Variants in DOCK4 observed in about 807,000 individuals in gnomAD.
The protein encoded by DOCK4 is dedicator of cytokinesis protein 4.
A neutral mutation model predicts 268.1 loss-of-function variants in DOCK4; 97 were observed. The observed-to-expected ratio is 0.36, with a 90% CI of 0.31 to 0.43. The LOEUF is 0.43. Among genes scored for constraint, DOCK4 ranks in the 20% least tolerant of loss-of-function variants. DOCK4 has a pLI of 1.00. For missense variants in DOCK4, 2,145 were observed against 2,455.7 expected, an observed-to-expected ratio of 0.87 and a Z score of 2.67; for synonymous variants, 954 against 887.2, an observed-to-expected ratio of 1.08 and a Z score of -1.34.
intron 1 of DOCK4, among the ~76,000 whole-genome samples, chr7:112,084,318 C>A (rs1808868792): frequency 6.6e-6 from 1 of 152,154 alleles, no homozygotes; most frequent in South Asian, 2.1e-4. Context: ...CCGCTTAAAA[C>A]CATTACATTT....
intron 7 of DOCK4, among the ~76,000 whole-genome samples, chr7:111,983,858 G>GCACACACACACACACACACA (rs1300676029): frequency 1.0e-4 from 9 of 90,018 alleles, no homozygotes; most frequent in Non-Finnish European, 1.6e-4. Flanking sequence ...GCGCGCGCGC[G>GCACACACACACACACACACA]CGCGCACACA....
chr7:111,980,854 A>G (rs1798555199), intron 7 of DOCK4, among the ~76,000 whole-genome samples: 1 of 152,232 alleles, frequency 6.6e-6, no homozygotes, highest in African/African-American at 2.4e-5. Flanking sequence ...TACAAATTCT[A>G]AAAAGATAGA....
At chr7:111,745,242 A>G (rs1470421991) in intron 44 of DOCK4, among the ~76,000 whole-genome samples, 1 of 152,188 alleles carries the variant, frequency 6.6e-6, no homozygotes, top group Non-Finnish European at 1.5e-5. Flanking sequence ...CATGTAACCT[A>G]TAGGTTTACT....
intron 1 of DOCK4, among the ~76,000 whole-genome samples, chr7:112,007,547 A>G (rs1291476676): frequency 6.6e-6 from 1 of 152,230 alleles, no homozygotes; most frequent in African/African-American, 2.4e-5. Flanking sequence ...TGAGTTAGAC[A>G]AGTAACTCCA....
At chr7:111,832,064 T>A (rs1163207722) in intron 26 of DOCK4, among the ~76,000 whole-genome samples, 1 of 152,156 alleles carries the variant, frequency 6.6e-6, no homozygotes, top group Non-Finnish European at 1.5e-5. Context: ...GATATATACA[T>A]AAACTGGGAA....
At chr7:111,873,313 G>A (rs1271832044) in intron 17 of DOCK4, among the ~76,000 whole-genome samples, 1 of 152,218 alleles carries the variant, frequency 6.6e-6, no homozygotes, top group African/African-American at 2.4e-5. Flanking sequence ...TTCTTGGGCA[G>A]AAGTTACAAA....
Position 112,112,235 on chromosome 7 carries a change from G to C in DOCK4, c.37+93867C>G, listed in dbSNP as rs142068484. ...GTTGTAATGAGTTCATATGAGAACT[G>C]GTTGATCAAAGGAACATAGCATCTC... On this transcript the variant is annotated intron_variant, in intron 1 of 52. Coordinates refer to ENST00000428084, the MANE Select transcript of DOCK4 (RefSeq NM_001363540.2). 1.9e-3 allele frequency among the ~76,000 whole-genome samples: 294 copies of C among 152,222 alleles called. 1 individual carries two copies. The highest frequency in any genetic ancestry group is 6.4e-3 in the African/African-American group (267 of 41,530).
At chr7:111,773,573 T>G (rs914912886) in intron 36 of DOCK4, among the ~76,000 whole-genome samples, 4 of 152,232 alleles carry the variant, frequency 2.6e-5, no homozygotes, top group Admixed American at 1.3e-4. Context: ...TTTTTTTCTT[T>G]TTGAATCGAG....
At chr7:112,136,549 G>T (rs1814369895) in intron 1 of DOCK4, among the ~76,000 whole-genome samples, 1 of 152,176 alleles carries the variant, frequency 6.6e-6, no homozygotes, top group Admixed American at 6.5e-5. Context: ...AAACAGAATT[G>T]TGTCCACCCT....
intron 1 of DOCK4, among the ~76,000 whole-genome samples, chr7:112,097,425 G>C (rs1434866754): frequency 6.6e-6 from 1 of 150,898 alleles, no homozygotes. Context: ...TTTTTTTTAA[G>C]TTAGCTGGGT....
intron 6 of DOCK4, among the ~76,000 whole-genome samples, chr7:111,987,144 A>C (rs949575072): frequency 4.6e-5 from 7 of 152,220 alleles, no homozygotes; most frequent in African/African-American, 1.7e-4. Flanking sequence ...AGATGATCTA[A>C]ATAAATTATA....
chr7:112,139,964 C>A (rs567910108), intron 1 of DOCK4, among the ~76,000 whole-genome samples: 2 of 152,048 alleles, frequency 1.3e-5, no homozygotes, highest in African/African-American at 2.4e-5. Flanking sequence ...AAGGAAAATA[C>A]AATTATCTCT....
intron 1 of DOCK4, among the ~76,000 whole-genome samples, chr7:112,139,341 C>T (rs564853176): frequency 4.8e-4 from 73 of 152,154 alleles, no homozygotes; most frequent in Non-Finnish European, 9.0e-4. Context: ...ATTCCCAAAG[C>T]AAATCTGTTT....
At chr7:112,160,529 T>C (rs1451645200) in intron 1 of DOCK4, among the ~76,000 whole-genome samples, 2 of 152,158 alleles carry the variant, frequency 1.3e-5, no homozygotes, top group Non-Finnish European at 2.9e-5. Context: ...AGGAAACCTA[T>C]CAAGCTGGCC....
intron 1 of DOCK4, among the ~76,000 whole-genome samples, chr7:112,096,749 A>C (rs1810178999): frequency 6.6e-6 from 1 of 152,204 alleles, no homozygotes; most frequent in South Asian, 2.1e-4. Context: ...CCAGACCCAA[A>C]GACCAAAATG....
intron 30 of DOCK4, among the ~76,000 whole-genome samples, chr7:111,792,571 C>T (rs1049764789): frequency 5.3e-5 from 8 of 152,084 alleles, no homozygotes; most frequent in African/African-American, 1.7e-4. Context: ...TTAGTAGAGA[C>T]GGGGTTTTAC....
chr7:112,192,926 A>C (rs1820105714), intron 1 of DOCK4, among the ~76,000 whole-genome samples: 1 of 152,178 alleles, frequency 6.6e-6, no homozygotes, highest in Admixed American at 6.5e-5. Context: ...CTCAGGAAAC[A>C]CATACTTAAG....
At chr7:112,146,966 A>G (rs1815570153) in intron 1 of DOCK4, among the ~76,000 whole-genome samples, 1 of 152,206 alleles carries the variant, frequency 6.6e-6, no homozygotes, top group African/African-American at 2.4e-5. Flanking sequence ...CTTTCTTAAA[A>G]GCCCCAAAGC....
At position 111,926,134 on chromosome 7, in the gene DOCK4, A is replaced by G. The variant is rs142591632; in HGVS notation, c.1066+9406T>C. 5.3e-3 allele frequency among the ~76,000 whole-genome samples: 777 copies of G among 145,858 alleles called. 56 individuals carry two copies. Among genetic ancestry groups the G allele is most frequent in the African/African-American group, 0.019 (739 of 38,128 alleles). On this transcript the variant is annotated intron_variant, in intron 12 of 52. Coordinates refer to ENST00000428084, the MANE Select transcript of DOCK4 (RefSeq NM_001363540.2). ...AGAGAAAGAGAAAAAGAAAGAAAGA[A>G]AGAAAGAAAGAAAAAGAGAAAAAGA...
Sources: gnomAD v4.1 joint callset for allele counts (sites outside exome capture counted in the v4.1 genomes callset) on GRCh38, gnomAD v4.1.1 for gene constraint, MANE v1.5 for transcripts, NCBI Gene and HGNC (gene_info 2026-07-23, HGNC 2026-07-21) for gene names.